IPO11: variants seen among roughly 807,000 people sequenced by gnomAD.
IPO11 encodes the protein importin-11.
Under a neutral mutation model 143.2 loss-of-function variants are expected in IPO11, and 66 were observed. The observed-to-expected ratio is 0.46, with a 90% CI of 0.38 to 0.57. The LOEUF (loss-of-function observed/expected upper bound fraction) is 0.57, where lower values mean the gene tolerates loss of function less well. Ranked by LOEUF, IPO11 falls within the 20% of genes least tolerant of loss-of-function variation. IPO11 has a pLI of 0.00. For synonymous variants in IPO11, 385 were observed against 377.8 expected (o/e 1.02, Z -0.22); for missense variants, 1,026 against 1,141.0 (o/e 0.90, Z 1.45).
intron 8 of IPO11, among the ~76,000 whole-genome samples, chr5:62,475,607 C>T (rs1172895899): frequency 6.6e-6 from 1 of 152,242 alleles, no homozygotes; most frequent in African/African-American, 2.4e-5. Context: ...ATATGTTTAA[C>T]AAATATTGTC....
chr5:62,604,278 G>A (rs984062804), intron 29 of IPO11, among the ~76,000 whole-genome samples: 3 of 152,008 alleles, frequency 2.0e-5, no homozygotes, highest in Admixed American at 2.0e-4. Flanking sequence ...GTATGATCTC[G>A]GCTCTCTGCA....
chr5:62,533,830 G>A (rs762142074), intron 22 of IPO11, among the ~76,000 whole-genome samples: 2 of 151,996 alleles, frequency 1.3e-5, no homozygotes, highest in Non-Finnish European at 2.9e-5. Flanking sequence ...TTGGTGGCCC[G>A]TGCTTGTGAT....
At chr5:62,586,945 T>C (rs1318766549) in intron 27 of IPO11, among the ~76,000 whole-genome samples, 6 of 151,544 alleles carry the variant, frequency 4.0e-5, no homozygotes, top group Non-Finnish European at 8.8e-5. Flanking sequence ...ACTTTTTAAG[T>C]AACTATTCAA....
intron 15 of IPO11, among the ~76,000 whole-genome samples, chr5:62,491,815 G>A (rs762294962): frequency 2.0e-5 from 3 of 151,726 alleles, no homozygotes; most frequent in Admixed American, 6.6e-5. Flanking sequence ...ACAGGTGCCC[G>A]CCACCATGCC....
intron 24 of IPO11, among the ~76,000 whole-genome samples, chr5:62,546,585 C>G (rs1743199000): frequency 6.6e-6 from 1 of 151,770 alleles, no homozygotes; most frequent in African/African-American, 2.4e-5. Flanking sequence ...TACCCTAGAA[C>G]TTGAAGTATA....
intron 16 of IPO11, among the ~76,000 whole-genome samples, chr5:62,498,428 C>A (rs185210177): frequency 9.8e-4 from 149 of 152,274 alleles, no homozygotes; most frequent in African/African-American, 3.5e-3. Flanking sequence ...AACATTATTT[C>A]TACACTGTAA....
intron 27 of IPO11, chr5:62,578,788 G>T: frequency 2.5e-6 from 1 of 395,498 alleles, no homozygotes; most frequent in Non-Finnish European, 5.0e-6. Context: ...AGCAAACGGT[G>T]ACTTAAAAAA....
intron 24 of IPO11, among the ~76,000 whole-genome samples, chr5:62,547,483 T>C (rs1278459095): frequency 1.3e-5 from 2 of 152,090 alleles, no homozygotes; most frequent in Non-Finnish European, 2.9e-5. Flanking sequence ...TTCTATATGT[T>C]GCCAGTTCTA....
intron 19 of IPO11, among the ~76,000 whole-genome samples, chr5:62,511,467 T>G (rs1432400259): frequency 6.6e-6 from 1 of 152,228 alleles, no homozygotes; most frequent in Non-Finnish European, 1.5e-5. Flanking sequence ...ATGATAAATA[T>G]GTTAAAATAA....
intron 26 of IPO11, among the ~76,000 whole-genome samples, chr5:62,554,630 G>T (rs1743509650): frequency 6.8e-6 from 1 of 148,028 alleles, no homozygotes; most frequent in Non-Finnish European, 1.5e-5. Flanking sequence ...ATTGGTCTGT[G>T]TGTGTTTTTA....
intron 27 of IPO11, among the ~76,000 whole-genome samples, chr5:62,576,715 C>A (rs533034018): frequency 6.6e-6 from 1 of 152,134 alleles, no homozygotes; most frequent in Non-Finnish European, 1.5e-5. Context: ...ACTGGGAGGT[C>A]GATGCTGTGG....
In IPO11 at chr5:62,550,445, G is replaced by A; in HGVS notation, c.2329G>A (p.Gly777Ser). Residue 777 changes from glycine (G) to serine (S), a missense_variant, in exon 25 of 30, where the codon GGT becomes AGT. Physicochemically the swap from Gly to Ser is moderately conservative, Grantham distance 56. Around this residue, in one of 5 missense-constraint regions of IPO11, gnomAD observed 351 missense variants for 358.9 expected, o/e 0.98. Transcript: ENST00000325324. Reference protein sequence around the residue: ...FQPILPYVFKGIIEGERYPVV... With the variant: ...FQPILPYVFKSIIEGERYPVV... ...ACCGATTTTACCCTATGTTTTCAAG[G>A]GTATTATAGAAGGGGAGGTAAGATT... 2.5e-6 allele frequency: 4 copies of A among 1,610,340 alleles called. No individual in the cohort carries two copies. Among genetic ancestry groups the A allele is most frequent in the Non-Finnish European group, 3.4e-6 (4 of 1,177,588 alleles).
At chr5:62,463,824 TA>T (rs1296901271) in intron 5 of IPO11, among the ~76,000 whole-genome samples, 1 of 151,674 alleles carries the variant, frequency 6.6e-6, no homozygotes, top group African/African-American at 2.4e-5. Context: ...TTTACTTCTG[TA>T]TTTTTTTTTT....
chr5:62,424,410 A>T (rs1184339249), intron 1 of IPO11, among the ~76,000 whole-genome samples: 2 of 151,358 alleles, frequency 1.3e-5, no homozygotes, highest in Non-Finnish European at 2.9e-5. Flanking sequence ...AAGTGCTGGG[A>T]TTACGGGTGT....
chr5:62,413,768 C>T lies in IPO11; in HGVS notation c.-7+839C>T, dbSNP rs561863458. ...TAGTTTGTAGCCATAATGCTTTTCC[C>T]CCTCCTGGGATAGGAATTTTCTTCC... On this transcript the variant is annotated intron_variant, in intron 1 of 29. Transcript: ENST00000325324. Among the ~76,000 whole-genome samples, 51 of 152,298 alleles carry T rather than the reference C, an allele frequency of 3.3e-4. No individual in the cohort carries two copies. In the South Asian group the frequency reaches 9.5e-3, roughly 28 times the overall value.
intron 12 of IPO11, among the ~76,000 whole-genome samples, chr5:62,486,426 A>G (rs1337873656): frequency 2.0e-5 from 3 of 152,164 alleles, no homozygotes; most frequent in Non-Finnish European, 2.9e-5. Context: ...TTCCTTCTAT[A>G]TATTTCATTA....
At position 62,462,994 on chromosome 5, in the gene IPO11, A is replaced by G. The variant is rs184817348; in HGVS notation, c.517-4137A>G. Among the ~76,000 whole-genome samples, 18 of 152,050 alleles carry G rather than the reference A, an allele frequency of 1.2e-4. No individual in the cohort carries two copies. The East Asian group carries it at 2.9e-3, about 25-fold the overall frequency. On this transcript the variant is annotated intron_variant, in intron 5 of 29. Coordinates refer to ENST00000325324, the MANE Select transcript of IPO11 (RefSeq NM_016338.5). The stretch of plus-strand genomic sequence containing the variant: ...GTGAATGGGACTAGTTCTAATTTAC[A>G]CACATATATTACTTATATGTATATG...
chr5:62,423,505 A>C (rs1743590263), intron 1 of IPO11, among the ~76,000 whole-genome samples: 1 of 152,212 alleles, frequency 6.6e-6, no homozygotes, highest in South Asian at 2.1e-4. Flanking sequence ...ACAGCAGTTA[A>C]AGATTTCCTC....
chr5:62,611,827 G>A (rs1745936609), intron 29 of IPO11, among the ~76,000 whole-genome samples: 1 of 151,980 alleles, frequency 6.6e-6, no homozygotes, highest in African/African-American at 2.4e-5. Flanking sequence ...CCTATTTCCT[G>A]TTTTTCTCTT....
Sources: allele counts gnomAD v4.1 joint callset (sites outside exome capture counted in the v4.1 genomes callset), GRCh38; gene constraint gnomAD v4.1.1; regional missense constraint gnomAD v4.1.1; transcripts MANE v1.5; gene names NCBI Gene and HGNC (gene_info 2026-07-23, HGNC 2026-07-21).